Variants in GABRB2 observed in about 807,000 individuals in gnomAD.
The protein encoded by GABRB2 is gamma-aminobutyric acid receptor subunit beta-2.
A neutral mutation model predicts 54.7 loss-of-function variants in GABRB2; 16 were observed. That is an observed-to-expected ratio of 0.29 (90% confidence interval 0.20 to 0.44). GABRB2 has a LOEUF of 0.44. Among genes scored for constraint, GABRB2 ranks in the 20% least tolerant of loss-of-function variants. The pLI, the probability that GABRB2 is intolerant of heterozygous loss-of-function variation, is 1.00. For synonymous variants in GABRB2, 244 were observed against 233.8 expected (o/e 1.04, Z -0.40); for missense variants, 355 against 644.0 (o/e 0.55, Z 4.86).
In GABRB2 at chr5:161,438,565, A is replaced by T. The variant is rs1757375109; in HGVS notation, c.458+21059T>A. On this transcript the variant is annotated intron_variant, in intron 4 of 9. Coordinates refer to ENST00000393959, the MANE Select transcript of GABRB2 (RefSeq NM_001371727.1). ...AAATGAATGAAATAAGTCACCAGAC[A>T]CCAATCCTGGAGAAAGAGAGATGTG... Among the ~76,000 whole-genome samples, 8 of 152,200 alleles carry T rather than the reference A, an allele frequency of 5.3e-5. 1 individual carries two copies. The highest frequency in any genetic ancestry group is 5.2e-4 in the Admixed American group (8 of 15,272).
intron 5 of GABRB2, among the ~76,000 whole-genome samples, chr5:161,391,924 T>G (rs1755835839): frequency 6.6e-6 from 1 of 152,186 alleles, no homozygotes; most frequent in Non-Finnish European, 1.5e-5. Context: ...CAGGGAGCAT[T>G]TCCTAGCCCT....
At chr5:161,334,684 C>T (rs75203536) in intron 7 of GABRB2, 68 bp downstream of exon 7, 79 of 1,523,178 alleles carry the variant, frequency 5.2e-5, no homozygotes, top group African/African-American at 6.9e-5. Flanking sequence ...ATAAGGAAAA[C>T]GCGTGCATGC....
chr5:161,336,839 G>GA (rs887092433), intron 5 of GABRB2, 70 bp from the exon 6 acceptor site: 12 of 1,477,924 alleles, frequency 8.1e-6, no homozygotes, highest in African/African-American at 4.4e-5. Context: ...AGACAAAACA[G>GA]AAAAAAATAC....
At chr5:161,357,475 G>A (rs1754667808) in intron 5 of GABRB2, among the ~76,000 whole-genome samples, 1 of 148,412 alleles carries the variant, frequency 6.7e-6, no homozygotes, top group Admixed American at 6.8e-5. Context: ...CTATTGTTTG[G>A]AATTTGAGTG....
intron 3 of GABRB2, among the ~76,000 whole-genome samples, chr5:161,519,362 T>G (rs1760045635): frequency 1.3e-5 from 2 of 152,178 alleles, no homozygotes; most frequent in African/African-American, 4.8e-5. Context: ...GCATTACCCC[T>G]TGTTTAAAGA....
At chr5:161,535,557 A>T (rs1365266238) in intron 3 of GABRB2, among the ~76,000 whole-genome samples, 1 of 152,214 alleles carries the variant, frequency 6.6e-6, no homozygotes, top group Non-Finnish European at 1.5e-5. Context: ...GATGGCTAAG[A>T]TTGAGAGATG....
chr5:161,327,009 G>A (rs1409597429), intron 8 of GABRB2: 13 of 981,584 alleles, frequency 1.3e-5, no homozygotes, highest in Non-Finnish European at 1.6e-5. Context: ...CAAGAACAGT[G>A]GGTGAAATCA....
chr5:161,375,267 C>T (rs2113474290), intron 5 of GABRB2, among the ~76,000 whole-genome samples: 1 of 152,214 alleles, frequency 6.6e-6, no homozygotes, highest in South Asian at 2.1e-4. Context: ...AAAGAATTGG[C>T]CAGGGGACTA....
intron 3 of GABRB2, among the ~76,000 whole-genome samples, chr5:161,543,249 T>C (rs963795576): frequency 6.6e-6 from 1 of 152,232 alleles, no homozygotes; most frequent in Non-Finnish European, 1.5e-5. Flanking sequence ...TGGATCTATA[T>C]TTTGACTAGC....
Position 161,294,286 on chromosome 5 carries a change from C to T in GABRB2, c.1334G>A (p.Gly445Glu), listed in dbSNP as rs781071477. ...TCGGCCAAAACTATGCCTGGGCAACCCAGCTTTCCGATACTGGATGCTGGA... is the reference window on the plus strand; with the variant it reads ...TCGGCCAAAACTATGCCTGGGCAACTCAGCTTTCCGATACTGGATGCTGGA... ...DASSIQYRKA[G>E]LPRHSFGRNA... Residue 445 changes from glycine (G) to glutamate (E), a missense_variant, in exon 10 of 10, where the codon GGG (glycine) becomes GAG (glutamate). By Grantham distance (98) the Gly-to-Glu change is moderately conservative. Around this residue, in one of 6 missense-constraint regions of GABRB2, gnomAD observed 201 missense variants for 228.1 expected, o/e 0.88. Coordinates refer to ENST00000393959, the MANE Select transcript of GABRB2 (RefSeq NM_001371727.1). 8.7e-6 allele frequency: 14 copies of T among 1,613,984 alleles called. 1 individual carries two copies. Among genetic ancestry groups the T allele is most frequent in the Non-Finnish European group, 5.9e-6 (7 of 1,180,000 alleles).
At chr5:161,543,403 A>G (rs905244912) in intron 3 of GABRB2, among the ~76,000 whole-genome samples, 1 of 152,184 alleles carries the variant, frequency 6.6e-6, no homozygotes, top group Non-Finnish European at 1.5e-5. Flanking sequence ...TTATTAGCTA[A>G]CCTACTGCAG....
At chr5:161,370,499 G>A (rs1755100034) in intron 5 of GABRB2, among the ~76,000 whole-genome samples, 1 of 152,144 alleles carries the variant, frequency 6.6e-6, no homozygotes, top group Non-Finnish European at 1.5e-5. Context: ...GGGGCTTTGT[G>A]GCCAAACTCT....
chr5:161,485,701 A>G (rs1758901094), intron 3 of GABRB2, among the ~76,000 whole-genome samples: 1 of 151,982 alleles, frequency 6.6e-6, no homozygotes, highest in Admixed American at 6.6e-5. Flanking sequence ...ATGAGAGATA[A>G]CAACTGCTTA....
intron 3 of GABRB2, among the ~76,000 whole-genome samples, chr5:161,486,488 CA>C (rs1758924892): frequency 6.6e-6 from 1 of 151,946 alleles, no homozygotes; most frequent in African/African-American, 2.4e-5. Flanking sequence ...TTACATATAT[CA>C]CTGAAAAATG....
intron 4 of GABRB2, among the ~76,000 whole-genome samples, chr5:161,413,603 A>G (rs755923370): frequency 6.6e-6 from 1 of 152,204 alleles, no homozygotes; most frequent in Non-Finnish European, 1.5e-5. Flanking sequence ...ATTGCCAGTA[A>G]TATACAGAGA....
intron 5 of GABRB2, among the ~76,000 whole-genome samples, chr5:161,360,236 A>G (rs1023341588): frequency 2.6e-5 from 4 of 151,732 alleles, no homozygotes; most frequent in East Asian, 3.9e-4. Flanking sequence ...GGCTCTTTAG[A>G]AAAAAAAATG....
intron 3 of GABRB2, among the ~76,000 whole-genome samples, chr5:161,510,248 C>A (rs935478056): frequency 6.6e-6 from 1 of 151,058 alleles, no homozygotes; most frequent in Non-Finnish European, 1.5e-5. Flanking sequence ...TCCCCCAGCT[C>A]CCCCCCAACC....
In GABRB2 at chr5:161,503,128, A is replaced by C. The variant is rs544540322; in HGVS notation, c.237+42099T>G. Reference sequence around the variant, plus strand: ...AGAAGATCAAGAGGCGATTGTTGTTATTGTTTTTTTTTTTCCAGAAATTTT... The same window carrying C: ...AGAAGATCAAGAGGCGATTGTTGTTCTTGTTTTTTTTTTTCCAGAAATTTT... On this transcript the variant is annotated intron_variant, in intron 3 of 9. Transcript: ENST00000393959. 2.0e-5 allele frequency among the ~76,000 whole-genome samples: 3 copies of C among 151,820 alleles called. 1 individual carries two copies. The highest frequency in any genetic ancestry group is 7.3e-5 in the African/African-American group (3 of 41,366).
intron 4 of GABRB2, among the ~76,000 whole-genome samples, chr5:161,442,784 A>T (rs1272987749): frequency 1.3e-5 from 2 of 151,194 alleles, no homozygotes; most frequent in East Asian, 1.9e-4. Flanking sequence ...TTGATCTCAG[A>T]GTCCCCTTCT....
Sources: gnomAD v4.1 joint callset for allele counts (sites outside exome capture counted in the v4.1 genomes callset) on GRCh38, gnomAD v4.1.1 for gene constraint, gnomAD v4.1.1 regional missense constraint, MANE v1.5 for transcripts, NCBI Gene and HGNC (gene_info 2026-07-23, HGNC 2026-07-21) for gene names.